The following DAB1 variants were observed in gnomAD, a reference collection of about 807,000 sequenced individuals.
The protein encoded by DAB1 is disabled homolog 1.
In DAB1, 15 loss-of-function variants were observed where a neutral mutation model predicts 64.6. The observed-to-expected ratio is 0.23, with a 90% CI of 0.16 to 0.36. The LOEUF is 0.36. Ranked by LOEUF, DAB1 falls within the 10% of genes least tolerant of loss-of-function variation. The pLI is 1.00. For synonymous variants in DAB1, 235 were observed against 251.9 expected, an observed-to-expected ratio of 0.93 and a Z score of 0.64; for missense variants, 596 against 706.7, an observed-to-expected ratio of 0.84 and a Z score of 1.78.
At chr1:58,530,815 T>C in intron 1 of DAB1, 7 of 733,918 alleles carry the variant, frequency 9.5e-6, no homozygotes, top group Middle Eastern at 2.4e-4. Flanking sequence ...TGTGTTACAA[T>C]TACCTGACCT....
intron 1 of DAB1, among the ~76,000 whole-genome samples, chr1:57,345,049 A>T (rs1228556939): frequency 6.6e-6 from 1 of 152,190 alleles, no homozygotes; most frequent in African/African-American, 2.4e-5. Context: ...CTCCTGGACC[A>T]TCTGTATTAT....
At chr1:58,462,813 G>A (rs912469281) in intron 3 of DAB1, 1 of 152,198 alleles carries the variant, frequency 6.6e-6, no homozygotes, top group Non-Finnish European at 1.5e-5. Flanking sequence ...TAGGGATGAA[G>A]ACAGACATAC....
At chr1:58,511,955 CAG>C (rs945678539) in intron 2 of DAB1, among the ~76,000 whole-genome samples, 2 of 152,028 alleles carry the variant, frequency 1.3e-5, no homozygotes, top group African/African-American at 4.8e-5. Flanking sequence ...GCTAAGGAAA[CAG>C]AGTGAAAGGC....
intron 3 of DAB1, among the ~76,000 whole-genome samples, chr1:58,409,652 C>T (rs891480855): frequency 1.3e-5 from 2 of 152,192 alleles, no homozygotes; most frequent in Non-Finnish European, 2.9e-5. Flanking sequence ...TTCCCAGTTA[C>T]GTGGACTTGG....
chr1:57,914,580 A>C (rs1644698060), intron 5 of DAB1, among the ~76,000 whole-genome samples: 1 of 152,218 alleles, frequency 6.6e-6, no homozygotes, highest in South Asian at 2.1e-4. Flanking sequence ...ATAACAACAA[A>C]AAAAAGAATC....
At chr1:58,219,023 C>CTG (rs1376007172) in intron 4 of DAB1, among the ~76,000 whole-genome samples, 96 of 115,496 alleles carry the variant, frequency 8.3e-4, no homozygotes, top group Middle Eastern at 4.5e-3. Flanking sequence ...CTCTCTCTCT[C>CTG]TCTGTGTGTG....
At position 57,310,622 on chromosome 1, in the gene DAB1, T is replaced by C. The variant is rs141632954; in HGVS notation, c.-136-19456A>G. Among the ~76,000 whole-genome samples, 173 of 152,254 alleles carry C rather than the reference T, an allele frequency of 1.1e-3. 1 individual carries two copies. The East Asian group carries it at 0.023, about 21-fold the overall frequency. On this transcript the variant is annotated intron_variant, in intron 1 of 14. Transcript: ENST00000371236. ...CAAGCAACTCTGGAAAGGAAAACTTTTGTGAGGCTCCCTTTCCTCATTTGT... is the reference window on the plus strand; with the variant it reads ...CAAGCAACTCTGGAAAGGAAAACTTCTGTGAGGCTCCCTTTCCTCATTTGT...
chr1:57,739,057 TA>T (rs1647837397), intron 6 of DAB1, among the ~76,000 whole-genome samples: 1 of 152,234 alleles, frequency 6.6e-6, no homozygotes, highest in African/African-American at 2.4e-5. Flanking sequence ...GCAGGATGGC[TA>T]GGGGGCTGTC....
At chr1:57,927,762 T>C (rs1644900245) in intron 5 of DAB1, among the ~76,000 whole-genome samples, 2 of 152,294 alleles carry the variant, frequency 1.3e-5, no homozygotes, top group South Asian at 4.1e-4. Context: ...AATATGACCA[T>C]TATAATCATC....
chr1:57,725,814 C>T (rs192242455), intron 6 of DAB1, among the ~76,000 whole-genome samples: 243 of 151,828 alleles, frequency 1.6e-3, no homozygotes, highest in Non-Finnish European at 2.8e-3. Flanking sequence ...TGCGGTGGCG[C>T]GATCTCAGCT....
At chr1:57,394,684 G>A (rs1459974936) in intron 1 of DAB1, among the ~76,000 whole-genome samples, 1 of 152,146 alleles carries the variant, frequency 6.6e-6, no homozygotes, top group Non-Finnish European at 1.5e-5. Context: ...ATAAGAACAG[G>A]GAGCATTTTC....
intron 6 of DAB1, among the ~76,000 whole-genome samples, chr1:57,663,591 G>A (rs1011454737): frequency 4.0e-5 from 6 of 151,632 alleles, no homozygotes; most frequent in Non-Finnish European, 5.9e-5. Context: ...AATTGTCTGC[G>A]GTAATGAGAG....
chr1:58,026,001 A>T (rs1396826513), intron 5 of DAB1, among the ~76,000 whole-genome samples: 1 of 151,992 alleles, frequency 6.6e-6, no homozygotes, highest in East Asian at 1.9e-4. Context: ...TTTAACTAAA[A>T]CGGCATTTTA....
intron 7 of DAB1, among the ~76,000 whole-genome samples, chr1:57,517,546 T>C (rs1287313953): frequency 6.6e-6 from 1 of 152,206 alleles, no homozygotes; most frequent in Non-Finnish European, 1.5e-5. Flanking sequence ...CAAAGTTGTT[T>C]CATTAATTTC....
At chr1:58,208,862 T>G (rs1454034647) in intron 4 of DAB1, among the ~76,000 whole-genome samples, 1 of 152,172 alleles carries the variant, frequency 6.6e-6, no homozygotes, top group East Asian at 1.9e-4. Context: ...GGAATCTTCA[T>G]AGAGTTAAAA....
intron 14 of DAB1, among the ~76,000 whole-genome samples, chr1:57,007,601 G>A (rs910327844): frequency 3.3e-5 from 5 of 152,170 alleles, no homozygotes; most frequent in African/African-American, 1.2e-4. Context: ...TTCCACCTGT[G>A]GGGATTGAGT....
At chr1:57,614,634 G>T (rs1280539943) in intron 7 of DAB1, among the ~76,000 whole-genome samples, 1 of 152,098 alleles carries the variant, frequency 6.6e-6, no homozygotes, top group Non-Finnish European at 1.5e-5. Flanking sequence ...GTGACAGTGG[G>T]TGATAGGTTT....
chr1:58,447,026 T>C (rs1645075373), intron 3 of DAB1, among the ~76,000 whole-genome samples: 1 of 152,198 alleles, frequency 6.6e-6, no homozygotes, highest in Non-Finnish European at 1.5e-5. Context: ...GGACATCCTA[T>C]TAGGATGGTG....
intron 3 of DAB1, among the ~76,000 whole-genome samples, chr1:58,500,084 G>A (rs1187342379): frequency 6.6e-6 from 1 of 152,140 alleles, no homozygotes; most frequent in East Asian, 1.9e-4. Context: ...TTTTTAGCAT[G>A]TTTTTCTAAA....
Sources: gnomAD v4.1 joint callset for allele counts (sites outside exome capture counted in the v4.1 genomes callset) on GRCh38, gnomAD v4.1.1 for gene constraint, MANE v1.5 for transcripts, NCBI Gene and HGNC (gene_info 2026-07-23, HGNC 2026-07-21) for gene names.